PRKAR1B: variants seen among roughly 807,000 people sequenced by gnomAD.
The protein encoded by PRKAR1B is protein kinase cAMP-dependent type I regulatory subunit beta, also known as cAMP-dependent protein kinase type I-beta regulatory subunit.
Under a neutral mutation model 46.5 loss-of-function variants are expected in PRKAR1B, and 22 were observed. The observed-to-expected ratio is 0.47, with a 90% CI of 0.34 to 0.68. The LOEUF (loss-of-function observed/expected upper bound fraction) is 0.68, where lower values mean the gene tolerates loss of function less well. Among genes scored for constraint, PRKAR1B ranks in the 30% least tolerant of loss-of-function variants. PRKAR1B has a pLI of 0.01. For missense variants in PRKAR1B, 445 were observed against 535.6 expected (o/e 0.83, Z 1.67); for synonymous variants, 259 against 217.7 (o/e 1.19, Z -1.67).
At chr7:642,812 C>G (rs1287391082) in intron 4 of PRKAR1B, among the ~76,000 whole-genome samples, 1 of 151,354 alleles carries the variant, frequency 6.6e-6, no homozygotes, top group South Asian at 2.1e-4. Flanking sequence ...TAAAAACTAG[C>G]TGGTTTATCA....
intron 9 of PRKAR1B, among the ~76,000 whole-genome samples, chr7:551,967 G>A (rs1350846249): frequency 1.1e-5 from 1 of 87,716 alleles, no homozygotes; most frequent in African/African-American, 4.9e-5. Context: ...TTCCCTCGGC[G>A]CCACTGCCAT....
chr7:606,269 C>G (rs1236190870), intron 5 of PRKAR1B, 30 bp from the exon 6 acceptor site: 1 of 1,605,056 alleles, frequency 6.2e-7, no homozygotes, highest in East Asian at 2.2e-5. Flanking sequence ...TCAACAGATA[C>G]AAAGTACATC....
At chr7:662,467 G>A (rs1170074059) in intron 4 of PRKAR1B, among the ~76,000 whole-genome samples, 19 of 94,422 alleles carry the variant, frequency 2.0e-4, no homozygotes, top group East Asian at 1.7e-3. Flanking sequence ...CCACCCCAAC[G>A]GGTCCAAATA....
chr7:578,377 G>C (rs1003953160), intron 9 of PRKAR1B, among the ~76,000 whole-genome samples: 1 of 152,238 alleles, frequency 6.6e-6, no homozygotes, highest in Non-Finnish European at 1.5e-5. Context: ...TGGTGGGGCC[G>C]TGGCGTGAGA....
chr7:618,743 T>G (rs1384206458), intron 4 of PRKAR1B, among the ~76,000 whole-genome samples: 1 of 152,238 alleles, frequency 6.6e-6, no homozygotes, highest in Non-Finnish European at 1.5e-5. Context: ...GTGCCCATCT[T>G]GATAGAAGGG....
chr7:639,629 G>C (rs11543854), intron 4 of PRKAR1B, among the ~76,000 whole-genome samples: 24,465 of 151,844 alleles, frequency 0.16, 2,204 homozygotes, highest in South Asian at 0.3. Flanking sequence ...GCGGGAGGAT[G>C]GCTTGAGGCC....
chr7:615,030 T>C (rs902633145), intron 4 of PRKAR1B, among the ~76,000 whole-genome samples: 5 of 151,572 alleles, frequency 3.3e-5, no homozygotes, highest in African/African-American at 1.2e-4. Flanking sequence ...GGAGCTGAGA[T>C]TGTGCCACTG....
intron 4 of PRKAR1B, among the ~76,000 whole-genome samples, chr7:662,680 C>G (rs541527311): frequency 5.3e-5 from 8 of 151,642 alleles, no homozygotes; most frequent in Non-Finnish European, 1.0e-4. Context: ...AATACCTACT[C>G]TCCCCTCAGT....
intron 1 of PRKAR1B, among the ~76,000 whole-genome samples, chr7:724,898 A>C (rs1485332741): frequency 1.3e-5 from 2 of 152,230 alleles, no homozygotes; most frequent in Non-Finnish European, 2.9e-5. Context: ...AGGTTACTGA[A>C]TATGCTACAT....
chr7:700,979 G>C (rs1780026410), intron 2 of PRKAR1B, among the ~76,000 whole-genome samples: 1 of 152,214 alleles, frequency 6.6e-6, no homozygotes, highest in African/African-American at 2.4e-5. Flanking sequence ...CCTCAGGTCA[G>C]GAGTTCGAGA....
At chr7:728,423 A>G (rs1410591633), upstream of PRKAR1B, among the ~76,000 whole-genome samples, 2 of 152,172 alleles carry the variant, frequency 1.3e-5, no homozygotes, top group African/African-American at 4.8e-5. Context: ...TCAGGTTGTT[A>G]AAAGATCACT....
chr7:728,918 C>T (rs151296302), upstream of PRKAR1B, among the ~76,000 whole-genome samples: 234 of 151,996 alleles, frequency 1.5e-3, 1 homozygote, highest in African/African-American at 5.4e-3. Flanking sequence ...CTGGAATAGC[C>T]GTTTCCCAGA....
chr7:621,465 C>A (rs1036579035), intron 4 of PRKAR1B, among the ~76,000 whole-genome samples: 1 of 152,204 alleles, frequency 6.6e-6, no homozygotes, highest in Non-Finnish European at 1.5e-5. Flanking sequence ...AACACAGGGA[C>A]CTTGTACTCC....
intron 9 of PRKAR1B, among the ~76,000 whole-genome samples, chr7:558,636 C>T (rs537157423): frequency 7.2e-5 from 11 of 152,138 alleles, no homozygotes; most frequent in Non-Finnish European, 1.0e-4. Context: ...GCCTGTAATC[C>T]CAGCTACTGG....
chr7:568,206 C>G (rs1779289538), intron 9 of PRKAR1B, among the ~76,000 whole-genome samples: 2 of 152,146 alleles, frequency 1.3e-5, no homozygotes, highest in Non-Finnish European at 1.5e-5. Flanking sequence ...GCTAAGCACC[C>G]CCTCGGTCTG....
In PRKAR1B at chr7:644,552, C is replaced by CCCCCATGCCACAGG. The variant is rs1784536844; in HGVS notation, c.440+32676_440+32677insCCTGTGGCATGGGG. Among the ~76,000 whole-genome samples the CCCCCATGCCACAGG allele has an allele frequency of 6.6e-6, 1 of 152,190 alleles. No individual in the cohort carries two copies. Among genetic ancestry groups the CCCCCATGCCACAGG allele is most frequent in the East Asian group, 1.9e-4 (1 of 5,190 alleles). On this transcript the variant is annotated intron_variant, in intron 4 of 10. Coordinates refer to ENST00000537384, the MANE Select transcript of PRKAR1B (RefSeq NM_001164760.2). This position sits in a 1 kb window ranked among gnomAD's most constrained non-coding sequence, Gnocchi z 4.9. ...CTCCACTCCCCGCTGCCAGGGAGCC[C>CCCCCATGCCACAGG]TCCCAGCACTGAGGGGGCACCAGTC...
rs1468139208 is a variant in PRKAR1B, at chr7:582,657, T to C, written c.769+1851A>G. ...CCTCCAGCCGGGGGGTCACCAGCCC[T>C]CGCCCGGAGCAGGGAGAGGGTCTCG... On this transcript the variant is annotated intron_variant, in intron 8 of 10. Coordinates refer to ENST00000537384, the MANE Select transcript of PRKAR1B (RefSeq NM_001164760.2). 3.3e-5 allele frequency among the ~76,000 whole-genome samples: 5 copies of C among 152,178 alleles called. No homozygotes were observed. In the South Asian group the frequency reaches 8.3e-4, roughly 25 times the overall value.
intron 9 of PRKAR1B, among the ~76,000 whole-genome samples, chr7:572,067 T>C (rs906316566): frequency 6.6e-6 from 1 of 152,146 alleles, no homozygotes; most frequent in South Asian, 2.1e-4. Flanking sequence ...CCCCAACCTT[T>C]GGTAAGAGCC....
At chr7:624,835 T>C (rs1250920084) in intron 4 of PRKAR1B, among the ~76,000 whole-genome samples, 1 of 152,192 alleles carries the variant, frequency 6.6e-6, no homozygotes, top group African/African-American at 2.4e-5. Flanking sequence ...TAATCTAGTT[T>C]GAAAAATTAT....
Sources: allele counts gnomAD v4.1 joint callset (sites outside exome capture counted in the v4.1 genomes callset), GRCh38; gene constraint gnomAD v4.1.1; non-coding constraint Gnocchi (gnomAD v3.1); transcripts MANE v1.5; gene names NCBI Gene and HGNC (gene_info 2026-07-23, HGNC 2026-07-21).